Variants in THADA observed in about 807,000 individuals in gnomAD.
The protein encoded by THADA is THADA armadillo repeat containing.
Under a neutral mutation model 219.8 loss-of-function variants are expected in THADA, and 213 were observed. The ratio of observed to expected loss-of-function variants is 0.97; its 90% CI spans 0.87 to 1.09. The LOEUF is 1.09. Among genes scored for constraint, THADA ranks in the 50% least tolerant of loss-of-function variants. THADA has a pLI of 0.00. For synonymous variants in THADA, 1,018 were observed against 828.9 expected (o/e 1.23, Z -3.92); for missense variants, 2,956 against 2,311.3 (o/e 1.28, Z -5.72).
At chr2:43,556,028 C>G (rs1697296680) in intron 17 of THADA, 1 of 349,400 alleles carries the variant, frequency 2.9e-6, no homozygotes, top group African/African-American at 2.2e-5. Flanking sequence ...TAAAGATGGT[C>G]TGTCTCTAGT....
chr2:43,427,058 T>C (rs1397776709), intron 28 of THADA, among the ~76,000 whole-genome samples: 1 of 152,272 alleles, frequency 6.6e-6, no homozygotes, highest in Non-Finnish European at 1.5e-5. Context: ...AACCCTGTTA[T>C]ATTATTTCAT....
intron 26 of THADA, among the ~76,000 whole-genome samples, chr2:43,481,209 C>T (rs947294849): frequency 6.6e-6 from 1 of 152,092 alleles, no homozygotes; most frequent in Non-Finnish European, 1.5e-5. Flanking sequence ...CACTAAAATG[C>T]TAAGAAAAAT....
intron 18 of THADA, 102 bp from the exon 19 acceptor site, chr2:43,552,027 A>G (rs1387411685): frequency 6.4e-7 from 1 of 1,555,564 alleles, no homozygotes; most frequent in Non-Finnish European, 8.7e-7. Context: ...AAATTGTTCA[A>G]TACATAAAAC....
chr2:43,351,826 A>C (rs1244528086), intron 29 of THADA, among the ~76,000 whole-genome samples: 1 of 152,184 alleles, frequency 6.6e-6, no homozygotes, highest in Non-Finnish European at 1.5e-5. Context: ...GAAAGTATAC[A>C]TTTGTCTTGG....
At position 43,541,700 on chromosome 2, in the gene THADA, G is replaced by A. The variant is rs370525221; in HGVS notation, c.3107-384C>T. Among the ~76,000 whole-genome samples, 240 of 152,140 alleles carry A rather than the reference G, an allele frequency of 1.6e-3. 2 individuals carry two copies. The highest frequency in any genetic ancestry group is 0.013 in the East Asian group (66 of 5,176). On this transcript the variant is annotated intron_variant, in intron 20 of 37. Transcript: ENST00000405975. ...ATTTTTGTATTTTTTTGTAAAGACA[G>A]GGTTTCACCACATCACCTCCTGGAC...
intron 29 of THADA, among the ~76,000 whole-genome samples, chr2:43,377,749 A>G (rs1671544768): frequency 6.6e-6 from 1 of 152,146 alleles, no homozygotes; most frequent in African/African-American, 2.4e-5. Flanking sequence ...TATGAAATCT[A>G]TAGAAAGGGC....
At chr2:43,266,846 G>A (rs1558490141) in intron 36 of THADA, among the ~76,000 whole-genome samples, 2 of 152,170 alleles carry the variant, frequency 1.3e-5, no homozygotes, top group African/African-American at 4.8e-5. Flanking sequence ...GACATGCCAC[G>A]CATAAGCACA....
chr2:43,586,502 TC>T (rs1460339317), intron 6 of THADA, 53 bp from the exon 7 acceptor site: 1 of 1,443,530 alleles, frequency 6.9e-7, no homozygotes, highest in Non-Finnish European at 9.3e-7. Flanking sequence ...AAGCTCAATT[TC>T]AATAAAATAA....
At chr2:43,429,097 ATGTG>A (rs201949048) in intron 27 of THADA, among the ~76,000 whole-genome samples, 1 of 150,024 alleles carries the variant, frequency 6.7e-6, no homozygotes, top group Non-Finnish European at 1.5e-5. Flanking sequence ...CAGCTTCAGA[ATGTG>A]TGTGTGTTTT....
At chr2:43,468,059 A>G (rs1469621374) in intron 26 of THADA, among the ~76,000 whole-genome samples, 1 of 152,266 alleles carries the variant, frequency 6.6e-6, no homozygotes, top group African/African-American at 2.4e-5. Context: ...TGCCTGACTT[A>G]AGTAAAAATA....
In THADA at chr2:43,230,937, C is replaced by T; in HGVS notation, c.*11G>A. The T allele has an allele frequency of 1.3e-6, 2 of 1,597,844 alleles. No homozygotes were observed. Among genetic ancestry groups the T allele is most frequent in the Non-Finnish European group, 1.7e-6 (2 of 1,168,420 alleles). On this transcript the variant is annotated 3_prime_UTR_variant, in exon 38 of 38. Transcript: ENST00000405975. ...CCACACATACCCCCATCCCAATCCCCCAGATTTTCTTCAACATGCCGCTTC... is the reference window on the plus strand; with the variant it reads ...CCACACATACCCCCATCCCAATCCCTCAGATTTTCTTCAACATGCCGCTTC...
chr2:43,435,027 C>G (rs559124963), intron 26 of THADA, among the ~76,000 whole-genome samples: 1 of 152,196 alleles, frequency 6.6e-6, no homozygotes, highest in Non-Finnish European at 1.5e-5. Flanking sequence ...CGCTAAGAAG[C>G]GAGCTACAAT....
intron 22 of THADA, among the ~76,000 whole-genome samples, chr2:43,520,283 A>C (rs565999709): frequency 6.6e-6 from 1 of 152,344 alleles, no homozygotes; most frequent in East Asian, 1.9e-4. Context: ...TTGTCGAATT[A>C]ATACAAAATA....
intron 25 of THADA, among the ~76,000 whole-genome samples, chr2:43,490,230 C>T (rs1335014124): frequency 6.6e-6 from 1 of 152,168 alleles, no homozygotes; most frequent in Non-Finnish European, 1.5e-5. Context: ...CTTTAATTTG[C>T]ATGTGTGTGG....
chr2:43,561,005 A>C (rs998788386), intron 15 of THADA, among the ~76,000 whole-genome samples: 1 of 141,754 alleles, frequency 7.1e-6, no homozygotes, highest in African/African-American at 2.7e-5. Flanking sequence ...CAACAGAGTG[A>C]GACTTGGTCT....
rs1699924507 is a variant in THADA, at chr2:43,577,015, AACTC to A, written c.1037+3_1037+6del. 3 of 1,609,894 alleles carry A rather than the reference AACTC, an allele frequency of 1.9e-6. No individual in the cohort carries two copies. The highest frequency in any genetic ancestry group is 2.5e-6 in the Non-Finnish European group (3 of 1,177,762). On this transcript the variant is annotated splice_donor_5th_base_variant and intron_variant, in intron 10 of 37. Coordinates refer to ENST00000405975, the MANE Select transcript of THADA (RefSeq NM_022065.5). ...ACAAAATATGAGACGATAGCATCAAAACTCACTGTGAACTCAAGGTGAACAAAAC... is the reference window on the plus strand; with the variant it reads ...ACAAAATATGAGACGATAGCATCAAAACTGTGAACTCAAGGTGAACAAAAC...
chr2:43,312,150 T>C (rs925280243), intron 31 of THADA, among the ~76,000 whole-genome samples: 5 of 151,590 alleles, frequency 3.3e-5, no homozygotes, highest in Admixed American at 3.3e-4. Flanking sequence ...GCCCATGAGG[T>C]TGAGGCTGCA....
intron 1 of THADA, among the ~76,000 whole-genome samples, chr2:43,595,313 G>A (rs1019236029): frequency 6.6e-6 from 1 of 152,162 alleles, no homozygotes; most frequent in Non-Finnish European, 1.5e-5. Context: ...ACGCAGCTAG[G>A]AAAGTGTCGA....
intron 26 of THADA, among the ~76,000 whole-genome samples, chr2:43,482,215 C>T (rs1686311230): frequency 6.6e-6 from 1 of 152,100 alleles, no homozygotes; most frequent in Non-Finnish European, 1.5e-5. Context: ...TTTAAAAGCA[C>T]AAGTGAAACT....
Sources: gnomAD v4.1 joint callset for allele counts (sites outside exome capture counted in the v4.1 genomes callset) on GRCh38, gnomAD v4.1.1 for gene constraint, MANE v1.5 for transcripts, NCBI Gene and HGNC (gene_info 2026-07-23, HGNC 2026-07-21) for gene names.